The following CRYBG3 variants were observed in gnomAD, a reference collection of about 807,000 sequenced individuals.
CRYBG3 encodes the protein crystallin beta-gamma domain containing 3.
A neutral mutation model predicts 244.2 loss-of-function variants in CRYBG3; 127 were observed. That is an observed-to-expected ratio of 0.52 (90% CI 0.45 to 0.60). CRYBG3 has a LOEUF of 0.60. Ranked by LOEUF, CRYBG3 falls within the 20% of genes least tolerant of loss-of-function variation. The probability of loss-of-function intolerance (pLI) is 0.00; values close to 1 mark genes in which losing one functional copy is unlikely to be tolerated. For synonymous variants in CRYBG3, 1,132 were observed against 1,195.8 expected, an observed-to-expected ratio of 0.95 and a Z score of 1.10; for missense variants, 3,325 against 3,442.5, an observed-to-expected ratio of 0.97 and a Z score of 0.85.
At chr3:97,904,664 A>C (rs1007774579) in intron 15 of CRYBG3, among the ~76,000 whole-genome samples, 242 of 148,852 alleles carry the variant, frequency 1.6e-3, no homozygotes, top group Non-Finnish European at 1.4e-3. Context: ...CTTTTCTTTT[A>C]TTTTTATTTT....
intron 2 of CRYBG3, among the ~76,000 whole-genome samples, chr3:97,846,861 A>G (rs1312090134): frequency 2.6e-5 from 4 of 152,138 alleles, no homozygotes; most frequent in Non-Finnish European, 4.4e-5. Flanking sequence ...TGCTATATTC[A>G]GCTGTTTTTG....
chr3:97,822,392 A>C (rs767301983), intron 1 of CRYBG3, 37 bp downstream of exon 1: 8 of 1,434,098 alleles, frequency 5.6e-6, no homozygotes, highest in Non-Finnish European at 5.5e-6. Context: ...GGGGCCCTGC[A>C]CATATTCGCG....
intron 17 of CRYBG3, among the ~76,000 whole-genome samples, chr3:97,916,139 G>A (rs142999812): frequency 1.3e-5 from 2 of 152,268 alleles, no homozygotes; most frequent in African/African-American, 2.4e-5. Flanking sequence ...CATATGGTGA[G>A]TTCTCATTTA....
chr3:97,828,867 CAAAA>C (rs373270635), intron 1 of CRYBG3, among the ~76,000 whole-genome samples: 2,256 of 145,304 alleles, frequency 0.016, 48 homozygotes, highest in African/African-American at 0.053. Flanking sequence ...AACAAACAAA[CAAAA>C]AAAAACTTAA....
chr3:97,934,226 T>C (rs778708513), intron 18 of CRYBG3, among the ~76,000 whole-genome samples: 7 of 152,220 alleles, frequency 4.6e-5, no homozygotes, highest in Admixed American at 1.3e-4. Context: ...CCAGTATTGT[T>C]GTTCATTTAG....
At chr3:97,834,879 A>G (rs144776565) in intron 1 of CRYBG3, among the ~76,000 whole-genome samples, 1 of 151,710 alleles carries the variant, frequency 6.6e-6, no homozygotes, top group Admixed American at 6.6e-5. Context: ...TCTCTTTTTG[A>G]TAGTAATATT....
In CRYBG3 at chr3:97,943,617, C is replaced by T. The variant is rs564084002; in HGVS notation, c.*303C>T. 4.8e-5 allele frequency: 15 copies of T among 310,126 alleles called. No homozygotes were observed. Among genetic ancestry groups the T allele is most frequent in the African/African-American group, 2.3e-4 (10 of 44,312 alleles). 19.2% of individuals were successfully genotyped at this position (310,126 alleles called of 1,614,324 possible). ...TTTATTTTCTCTCATATCCACCAAACGTGAATCCTGTTCCTGATGGCCCGT... is the reference window on the plus strand; with the variant it reads ...TTTATTTTCTCTCATATCCACCAAATGTGAATCCTGTTCCTGATGGCCCGT... On this transcript the variant is annotated 3_prime_UTR_variant, in exon 22 of 22. Coordinates refer to ENST00000389622, the MANE Select transcript of CRYBG3 (RefSeq NM_153605.4).
chr3:97,938,528 TCACATGCA>T (rs11278587), intron 19 of CRYBG3, among the ~76,000 whole-genome samples: 2,749 of 151,998 alleles, frequency 0.018, 80 homozygotes, highest in African/African-American at 0.06. Context: ...CTCACCCTCT[TCACATGCA>T]CACATGCACA....
chr3:97,920,530 C>A (rs1279022858), intron 17 of CRYBG3, among the ~76,000 whole-genome samples: 2 of 151,842 alleles, frequency 1.3e-5, no homozygotes, highest in South Asian at 2.1e-4. Context: ...ATCATTACCC[C>A]CCTCCCCCCA....
intron 4 of CRYBG3, among the ~76,000 whole-genome samples, chr3:97,879,379 C>T (rs2039419614): frequency 6.6e-6 from 1 of 152,214 alleles, no homozygotes; most frequent in Admixed American, 6.6e-5. Context: ...TATGCCCTCA[C>T]CTCCATGCTG....
At chr3:97,888,224 A>G (rs2039532011) in intron 8 of CRYBG3, 117 bp from the exon 9 acceptor site, 2 of 621,670 alleles carry the variant, frequency 3.2e-6, no homozygotes, top group South Asian at 2.1e-5. Context: ...AGTGTGTTTT[A>G]CTAGTGTAAT....
chr3:97,924,318 T>C (rs1272772507), intron 17 of CRYBG3: 2 of 396,148 alleles, frequency 5.0e-6, no homozygotes, highest in Non-Finnish European at 9.7e-6. Context: ...AAGCAAACTT[T>C]ACAACTTAGA....
chr3:97,852,944 A>G (rs2039008876), intron 2 of CRYBG3, among the ~76,000 whole-genome samples: 1 of 152,112 alleles, frequency 6.6e-6, no homozygotes, highest in Non-Finnish European at 1.5e-5. Context: ...AGCATTTTTC[A>G]TGTACTTGTT....
chr3:97,864,691 G>A, intron 3 of CRYBG3, 44 bp downstream of exon 3: 2 of 1,371,174 alleles, frequency 1.5e-6, no homozygotes, highest in Non-Finnish European at 1.9e-6. Context: ...TGAGCTTTTT[G>A]GACCTAGCTT....
Position 97,876,606 on chromosome 3 carries a change from T to C in CRYBG3, c.5412T>C (p.Cys1804=), listed in dbSNP as rs1460234178. 1.6e-6 allele frequency: 2 copies of C among 1,233,578 alleles called. No individual in the cohort carries two copies. Among genetic ancestry groups the C allele is most frequent in the Non-Finnish European group, 2.0e-6 (2 of 989,060 alleles). The allele number at this position is 1,233,578 out of a possible 1,614,324, so 76.4% of individuals were successfully genotyped here. Residue 1804 remains cysteine (C), a synonymous_variant, in exon 4 of 22, where the codon TGT becomes TGC. Coordinates refer to ENST00000389622, the MANE Select transcript of CRYBG3 (RefSeq NM_153605.4). The part of the protein sequence containing the change: ...EVIKNTEIVP[C]VLKVKEAHET... The stretch of plus-strand genomic sequence containing the variant: ...TTAAGAATACTGAAATAGTACCGTG[T>C]GTGTTAAAAGTGAAGGAAGCACACG...
chr3:97,933,891 G>A (rs1198097334), intron 18 of CRYBG3, 58 bp downstream of exon 18: 2 of 1,526,500 alleles, frequency 1.3e-6, no homozygotes, highest in Non-Finnish European at 9.0e-7. Context: ...CAGAGTTGCA[G>A]AGTTGCAAAC....
At chr3:97,859,282 C>G (rs1253385133) in intron 2 of CRYBG3, among the ~76,000 whole-genome samples, 2 of 152,126 alleles carry the variant, frequency 1.3e-5, no homozygotes, top group African/African-American at 4.8e-5. Flanking sequence ...GTTTTTGGGT[C>G]CTGTGGTGAG....
rs995736422 is a variant in CRYBG3 at position 97,924,912 on chromosome 3, G to C, written c.8242-8782G>C. On this transcript the variant is annotated intron_variant, in intron 17 of 21. Transcript: ENST00000389622. ...GAACATTTGTGGGGTAGGGAGAGGA[G>C]GCAGGCATTAATTATTCAGACTGCC... is the stretch of plus-strand genomic sequence containing the variant. 3.3e-5 allele frequency among the ~76,000 whole-genome samples: 5 copies of C among 152,162 alleles called. No individual in the cohort carries two copies. The South Asian group carries it at 1.0e-3, about 32-fold the overall frequency.
At chr3:97,916,500 G>T (rs1454852892) in intron 17 of CRYBG3, among the ~76,000 whole-genome samples, 1 of 152,148 alleles carries the variant, frequency 6.6e-6, no homozygotes, top group African/African-American at 2.4e-5. Flanking sequence ...AATAGGATCT[G>T]TGCAGAGGAG....
Sources: allele counts gnomAD v4.1 joint callset (sites outside exome capture counted in the v4.1 genomes callset), GRCh38; gene constraint gnomAD v4.1.1; transcripts MANE v1.5; gene names NCBI Gene and HGNC (gene_info 2026-07-23, HGNC 2026-07-21).